MICU1: variants seen among roughly 807,000 people sequenced by gnomAD.
The protein encoded by MICU1 is mitochondrial calcium uptake 1.
MICU1 carries 45 observed loss-of-function variants against 56.8 expected under a neutral mutation model. The observed-to-expected ratio is 0.79, with a 90% confidence interval of 0.62 to 1.02. The LOEUF is 1.02. Among genes scored for constraint, MICU1 ranks in the 50% least tolerant of loss-of-function variants. MICU1 has a pLI of 0.00. For missense variants in MICU1, 504 were observed against 587.1 expected, an observed-to-expected ratio of 0.86 and a Z score of 1.46; for synonymous variants, 186 against 195.1, an observed-to-expected ratio of 0.95 and a Z score of 0.39.
chr10:72,523,956 T>TC, intron 5 of MICU1: 1 of 1,391,698 alleles, frequency 7.2e-7, no homozygotes, highest in Non-Finnish European at 9.3e-7. Context: ...CCCATTTGTT[T>TC]CCCCTTAAGC....
intron 1 of MICU1, among the ~76,000 whole-genome samples, chr10:72,578,046 G>A (rs1049336589): frequency 1.4e-4 from 21 of 152,054 alleles, no homozygotes; most frequent in African/African-American, 2.7e-4. Flanking sequence ...ACTATCAATC[G>A]GCGTCCTATG....
At chr10:72,548,316 T>C (rs1044669597) in intron 4 of MICU1, among the ~76,000 whole-genome samples, 1 of 152,190 alleles carries the variant, frequency 6.6e-6, no homozygotes, top group Admixed American at 6.5e-5. Flanking sequence ...TGAAGAGACA[T>C]ATCAATCAAA....
intron 3 of MICU1, among the ~76,000 whole-genome samples, chr10:72,560,994 TG>T (rs1840282618): frequency 6.6e-6 from 1 of 152,132 alleles, no homozygotes; most frequent in South Asian, 2.1e-4. Context: ...AAAGAATGAC[TG>T]AAAAAAACAG....
At chr10:72,391,701 T>C (rs1274293643) in intron 10 of MICU1, among the ~76,000 whole-genome samples, 2 of 152,138 alleles carry the variant, frequency 1.3e-5, no homozygotes, top group Non-Finnish European at 2.9e-5. Flanking sequence ...TGGAGGCTTA[T>C]GACTATTTGG....
intron 1 of MICU1, among the ~76,000 whole-genome samples, chr10:72,579,120 A>G (rs1160484816): frequency 6.6e-6 from 1 of 152,200 alleles, no homozygotes; most frequent in African/African-American, 2.4e-5. Flanking sequence ...GCAGTTTAGT[A>G]AACATCTTTC....
intron 5 of MICU1, among the ~76,000 whole-genome samples, chr10:72,514,582 T>C (rs1220206807): frequency 6.6e-6 from 1 of 152,192 alleles, no homozygotes; most frequent in Admixed American, 6.6e-5. Context: ...AAGTCTCTGT[T>C]CACCTTAGTG....
At chr10:72,440,602 G>A (rs1864888761) in intron 8 of MICU1, among the ~76,000 whole-genome samples, 1 of 152,186 alleles carries the variant, frequency 6.6e-6, no homozygotes, top group African/African-American at 2.4e-5. Flanking sequence ...TACCATCAGA[G>A]TGAACAGGCA....
intron 3 of MICU1, among the ~76,000 whole-genome samples, chr10:72,560,983 C>A (rs1220106182): frequency 6.6e-6 from 1 of 151,720 alleles, no homozygotes; most frequent in Non-Finnish European, 1.5e-5. Context: ...AATGAATATA[C>A]AAAGAATGAC....
chr10:72,498,404 G>A (rs1387412246), intron 6 of MICU1, among the ~76,000 whole-genome samples: 4 of 152,104 alleles, frequency 2.6e-5, no homozygotes, highest in South Asian at 2.1e-4. Context: ...TGGCCAACAC[G>A]GTGAAACCCC....
chr10:72,558,984 T>C (rs1026940467), intron 3 of MICU1, among the ~76,000 whole-genome samples: 1 of 152,152 alleles, frequency 6.6e-6, no homozygotes, highest in African/African-American at 2.4e-5. Context: ...TGCCATTGCA[T>C]TCCAGCCTGG....
At chr10:72,595,130 G>C (rs932040953) in intron 1 of MICU1, among the ~76,000 whole-genome samples, 1 of 151,812 alleles carries the variant, frequency 6.6e-6, no homozygotes, top group Non-Finnish European at 1.5e-5. Flanking sequence ...GAGACCTAGT[G>C]GGAGAAATGA....
chr10:72,603,726 C>G lies in MICU1; in HGVS notation c.-2+22284G>C, dbSNP rs548893609. On this transcript the variant is annotated intron_variant, in intron 1 of 11. Coordinates refer to ENST00000361114, the MANE Select transcript of MICU1 (RefSeq NM_001195518.2). ...GGCTGAGGCAGAAGAATCACTTGAA[C>G]CTGGGAGGCAGAGGTTGTGGTGAGC... Among the ~76,000 whole-genome samples, 3 of 152,192 alleles carry G rather than the reference C, an allele frequency of 2.0e-5. No homozygotes were observed. In the East Asian group the frequency reaches 5.8e-4, roughly 29 times the overall value.
At chr10:72,575,896 T>G (rs1005016131) in intron 1 of MICU1, among the ~76,000 whole-genome samples, 6 of 152,062 alleles carry the variant, frequency 3.9e-5, no homozygotes, top group African/African-American at 1.4e-4. Context: ...AAGGACAAAT[T>G]TCACACATCT....
At chr10:72,384,613 A>G (rs1458563038) in intron 10 of MICU1, among the ~76,000 whole-genome samples, 2 of 152,226 alleles carry the variant, frequency 1.3e-5, no homozygotes, top group African/African-American at 2.4e-5. Flanking sequence ...TTACTAAATC[A>G]TAATATATTC....
chr10:72,595,579 T>G (rs1170999654), intron 1 of MICU1, among the ~76,000 whole-genome samples: 1 of 150,434 alleles, frequency 6.6e-6, no homozygotes, highest in Non-Finnish European at 1.5e-5. Flanking sequence ...ATGGCTAACA[T>G]AGCTATTTCA....
At chr10:72,535,202 G>C (rs888669581) in intron 4 of MICU1, among the ~76,000 whole-genome samples, 2 of 151,148 alleles carry the variant, frequency 1.3e-5, no homozygotes, top group African/African-American at 4.9e-5. Flanking sequence ...TCTGATTTTT[G>C]TATTTTTAGT....
rs369279853 is a variant in MICU1, at chr10:72,380,741, C to T, written c.1181-4869G>A. Among the ~76,000 whole-genome samples the T allele has an allele frequency of 3.2e-4, 48 of 152,278 alleles. No individual in the cohort carries two copies. The South Asian group carries it at 9.7e-3, about 31-fold the overall frequency. ...CTCGAATTTTGGCTGGTGCCCTTTC[C>T]CTATACACACTGGGTCCACATGATC... On this transcript the variant is annotated intron_variant, in intron 10 of 11. Transcript: ENST00000361114.
chr10:72,618,274 TA>T (rs1328397200), intron 1 of MICU1, among the ~76,000 whole-genome samples: 2 of 152,160 alleles, frequency 1.3e-5, no homozygotes, highest in Non-Finnish European at 2.9e-5. Context: ...ATACCTTTAT[TA>T]TTTTTTTGAA....
At chr10:72,540,011 T>C (rs1839730838) in intron 4 of MICU1, among the ~76,000 whole-genome samples, 1 of 152,162 alleles carries the variant, frequency 6.6e-6, no homozygotes, top group African/African-American at 2.4e-5. Context: ...CTCATGCCTG[T>C]AATCCCAGCA....
Sources: gnomAD v4.1 joint callset for allele counts (sites outside exome capture counted in the v4.1 genomes callset) on GRCh38, gnomAD v4.1.1 for gene constraint, MANE v1.5 for transcripts, NCBI Gene and HGNC (gene_info 2026-07-23, HGNC 2026-07-21) for gene names.